The following EGFLAM variants were observed in gnomAD, a reference collection of about 807,000 sequenced individuals.
EGFLAM encodes the protein EGF like, fibronectin type III and laminin G domains.
In EGFLAM, 79 loss-of-function variants were observed where a neutral mutation model predicts 113.1. The observed-to-expected ratio is 0.70, with a 90% CI of 0.58 to 0.84. The LOEUF is 0.84. Among genes scored for constraint, EGFLAM ranks in the 40% least tolerant of loss-of-function variants. EGFLAM has a pLI of 0.00. For missense variants in EGFLAM, 1,265 were observed against 1,291.6 expected (o/e 0.98, Z 0.32); for synonymous variants, 504 against 487.6 (o/e 1.03, Z -0.44).
At chr5:38,442,453 A>C (rs2112238205) in intron 17 of EGFLAM, among the ~76,000 whole-genome samples, 1 of 149,236 alleles carries the variant, frequency 6.7e-6, no homozygotes, top group South Asian at 2.1e-4. Flanking sequence ...AATATGTTTA[A>C]TATATTAAAA....
rs148760394 is a variant in EGFLAM at position 38,409,005 on chromosome 5, C to T, written c.1250C>T (p.Ala417Val). The T allele has an allele frequency of 7.9e-5, 125 of 1,584,150 alleles. 1 individual carries two copies. In the Admixed American group the frequency reaches 8.5e-4, roughly 11 times the overall value. ...QAFQITLEFR[A>V]EAEDGLLLYC... ...TGGCTTTTGTTTGTATAATCACAGG[C>T]GGAGGCAGAGGATGGCTTACTGCTC... Residue 417 changes from alanine to valine, a missense_variant and splice_region_variant, in exon 10 of 22, where the codon GCG (alanine) becomes GTG (valine). By Grantham distance (64) the Ala-to-Val change is moderately conservative. Coordinates refer to ENST00000322350, the MANE Select transcript of EGFLAM (RefSeq NM_152403.4).
At chr5:38,418,366 A>G in intron 12 of EGFLAM, 111 bp downstream of exon 12, 3 of 1,348,366 alleles carry the variant, frequency 2.2e-6, no homozygotes, top group South Asian at 1.5e-5. Context: ...CTACCCTGGG[A>G]AGCTGGTACC....
At chr5:38,275,136 A>G (rs1757856882) in intron 1 of EGFLAM, among the ~76,000 whole-genome samples, 1 of 152,218 alleles carries the variant, frequency 6.6e-6, no homozygotes, top group Admixed American at 6.5e-5. Context: ...TACCAGGGAA[A>G]ACTACTTAAC....
At chr5:38,359,451 G>A (rs2112007958) in intron 5 of EGFLAM, among the ~76,000 whole-genome samples, 1 of 152,260 alleles carries the variant, frequency 6.6e-6, no homozygotes, top group Non-Finnish European at 1.5e-5. Flanking sequence ...CAAAGAGGCA[G>A]ATAACTTGAG....
intron 11 of EGFLAM, among the ~76,000 whole-genome samples, chr5:38,417,196 A>G (rs1296293572): frequency 6.6e-6 from 1 of 151,944 alleles, no homozygotes; most frequent in Non-Finnish European, 1.5e-5. Context: ...TAAAAATACA[A>G]AATTAGCTAG....
At chr5:38,370,181 C>T (rs781412933) in intron 5 of EGFLAM, 115 bp from the exon 6 acceptor site, 1 of 1,081,254 alleles carries the variant, frequency 9.2e-7, no homozygotes, top group Non-Finnish European at 1.3e-6. Flanking sequence ...TGTTAACTTA[C>T]TTTTACAAGT....
intron 17 of EGFLAM, among the ~76,000 whole-genome samples, chr5:38,445,943 G>A (rs1304780879): frequency 6.6e-6 from 1 of 152,136 alleles, no homozygotes; most frequent in African/African-American, 2.4e-5. Flanking sequence ...TGTGTGGCAG[G>A]CACGTCCCAA....
chr5:38,460,498 AG>A (rs1386890288), intron 20 of EGFLAM, among the ~76,000 whole-genome samples: 1 of 152,262 alleles, frequency 6.6e-6, no homozygotes, highest in Non-Finnish European at 1.5e-5. Flanking sequence ...GGGATAAGGC[AG>A]TGGAATGTTC....
At chr5:38,394,711 C>CT (rs11451294) in intron 6 of EGFLAM, among the ~76,000 whole-genome samples, 71,217 of 121,550 alleles carry the variant, frequency 0.59, 23,254 homozygotes, top group East Asian at 0.81. Context: ...GCCGGGCCCA[C>CT]TTTTTTTTTT....
intron 1 of EGFLAM, among the ~76,000 whole-genome samples, chr5:38,303,640 A>G (rs1006625218): frequency 1.3e-5 from 2 of 152,178 alleles, no homozygotes; most frequent in African/African-American, 2.4e-5. Context: ...TATTGCTTGT[A>G]TATGTCAAAA....
intron 13 of EGFLAM, 74 bp downstream of exon 13, chr5:38,425,166 AG>A: frequency 6.5e-7 from 1 of 1,540,058 alleles, no homozygotes; most frequent in Non-Finnish European, 8.8e-7. Flanking sequence ...TCATCAATAT[AG>A]TTTCTTTGTT....
At chr5:38,266,730 GT>G (rs1757642688) in intron 1 of EGFLAM, among the ~76,000 whole-genome samples, 1 of 152,122 alleles carries the variant, frequency 6.6e-6, no homozygotes, top group African/African-American at 2.4e-5. Flanking sequence ...TTTTTGCCTG[GT>G]AATTGTCTTG....
chr5:38,357,514 G>A (rs1403704924), intron 5 of EGFLAM, among the ~76,000 whole-genome samples: 1 of 152,184 alleles, frequency 6.6e-6, no homozygotes, highest in Non-Finnish European at 1.5e-5. Flanking sequence ...TTTCCCCAGA[G>A]AGGTCCATTT....
chr5:38,463,931 C>T lies in EGFLAM; in HGVS notation c.2975C>T (p.Ser992Phe). 9 of 1,614,238 alleles carry T rather than the reference C, an allele frequency of 5.6e-6. No homozygotes were observed. The highest frequency in any genetic ancestry group is 6.8e-6 in the Non-Finnish European group (8 of 1,180,046). The change falls in exon 22 of 22, where the codon TCC becomes TTC. Residue 992 changes from serine (S) to phenylalanine (F), a missense_variant. Physicochemically the swap from Ser to Phe is radical, Grantham distance 155 (BLOSUM62 -2). Coordinates refer to ENST00000322350, the MANE Select transcript of EGFLAM (RefSeq NM_152403.4). Reference protein sequence around the residue: ...HFTLSTDYHISLVEDAVDGKN... With the variant: ...HFTLSTDYHIFLVEDAVDGKN... ...ACCCTGTCCACCGATTACCACATTT[C>T]CCTCGTGGAAGATGCCGTGGATGGG...
At chr5:38,304,029 G>A (rs146657030) in intron 1 of EGFLAM, among the ~76,000 whole-genome samples, 2,310 of 151,688 alleles carry the variant, frequency 0.015, 30 homozygotes, top group East Asian at 0.048. Flanking sequence ...CTCAGGAGGC[G>A]GAGGCAGGAG....
chr5:38,417,416 T>TCAGCTCTGTA (rs1360624753), intron 11 of EGFLAM, among the ~76,000 whole-genome samples: 1 of 151,452 alleles, frequency 6.6e-6, no homozygotes, highest in Non-Finnish European at 1.5e-5. Flanking sequence ...CATCTAATCT[T>TCAGCTCTGTA]CAGCTCTGTA....
intron 16 of EGFLAM, among the ~76,000 whole-genome samples, chr5:38,435,972 C>T (rs1036119839): frequency 1.3e-5 from 2 of 152,020 alleles, no homozygotes; most frequent in African/African-American, 4.8e-5. Context: ...TGCCTGCCAC[C>T]ACGTCCAGCT....
chr5:38,366,550 A>G (rs1273325725), intron 5 of EGFLAM, among the ~76,000 whole-genome samples: 1 of 152,200 alleles, frequency 6.6e-6, no homozygotes, highest in South Asian at 2.1e-4. Flanking sequence ...GTATCAAGAA[A>G]AGTGATTGTT....
intron 19 of EGFLAM, among the ~76,000 whole-genome samples, chr5:38,455,086 C>T (rs755981976): frequency 6.6e-6 from 1 of 152,152 alleles, no homozygotes; most frequent in East Asian, 1.9e-4. Context: ...GAACACTGCC[C>T]GCTTAGTTTC....
Sources: gnomAD v4.1 joint callset for allele counts (sites outside exome capture counted in the v4.1 genomes callset) on GRCh38, gnomAD v4.1.1 for gene constraint, MANE v1.5 for transcripts, NCBI Gene and HGNC (gene_info 2026-07-23, HGNC 2026-07-21) for gene names.